CFAP74: variants seen among roughly 807,000 people sequenced by gnomAD.
CFAP74 encodes cilia and flagella associated protein 74.
In CFAP74, 124 loss-of-function variants were observed where a neutral mutation model predicts 188.9. That is an observed-to-expected ratio of 0.66 (90% CI 0.57 to 0.76). The LOEUF (loss-of-function observed/expected upper bound fraction) is 0.76. CFAP74 is among the 30% of genes least tolerant of loss of function. The pLI, the probability that CFAP74 is intolerant of heterozygous loss-of-function variation, is 0.00. For synonymous variants in CFAP74, 956 were observed against 916.7 expected (o/e 1.04, Z -0.77); for missense variants, 2,198 against 2,165.2 (o/e 1.02, Z -0.30).
chr1:1,922,729 G>A lies in CFAP74; in HGVS notation c.4684-6C>T. 1 of 1,603,040 alleles carries A rather than the reference G, an allele frequency of 6.2e-7. No individual in the cohort carries two copies. Among genetic ancestry groups the A allele is most frequent in the Non-Finnish European group, 8.5e-7 (1 of 1,174,894 alleles). Reference sequence around the variant, plus strand: ...TCTATGCTGAACTCAACGGTCTGTGGGGTATGGGGCTCCTGTAGGCTGGCG... The same window carrying A: ...TCTATGCTGAACTCAACGGTCTGTGAGGTATGGGGCTCCTGTAGGCTGGCG... On this transcript the variant is annotated splice_region_variant and splice_polypyrimidine_tract_variant and intron_variant, in intron 37 of 38. Coordinates refer to ENST00000682832, the MANE Select transcript of CFAP74 (RefSeq NM_001304360.2).
intron 5 of CFAP74, among the ~76,000 whole-genome samples, chr1:1,986,390 T>G (rs4648748): frequency 0.3 from 46,046 of 152,070 alleles, 7,249 homozygotes; most frequent in Non-Finnish European, 0.34. Flanking sequence ...TGCCCCTGGC[T>G]GCTGGCCCTC....
In CFAP74 at chr1:1,930,446, G is replaced by C. The variant is rs576954107; in HGVS notation, c.3012-110C>G. 6.5e-6 allele frequency: 7 copies of C among 1,081,112 alleles called. No homozygotes were observed. In the East Asian group the frequency reaches 1.9e-4, roughly 29 times the overall value. 67.0% of individuals were successfully genotyped at this position (1,081,112 alleles called of 1,614,324 possible). A position where few individuals can be genotyped will look rare whatever the true frequency, so the allele number is the denominator to read the frequency against. ...ACAAGCCCCGGGGGGGGCTCACAGG[G>C]ACATGCACGTTCCTGCTGCCCAGGG... On this transcript the variant is annotated intron_variant, in intron 25 of 38. Coordinates refer to ENST00000682832, the MANE Select transcript of CFAP74 (RefSeq NM_001304360.2).
chr1:1,974,237 C>A, intron 6 of CFAP74, 39 bp from the exon 7 acceptor site: 1 of 1,550,648 alleles, frequency 6.4e-7, no homozygotes, highest in Non-Finnish European at 8.8e-7. Context: ...ACGGGCCCCA[C>A]AGTCATCCTG....
At chr1:1,954,789 G>A in intron 18 of CFAP74, 20 of 1,104,886 alleles carry the variant, frequency 1.8e-5, no homozygotes, top group Non-Finnish European at 2.2e-5. Flanking sequence ...AACATAAAAA[G>A]AACTCACTTT....
At chr1:1,931,140 C>A (rs1652334358) in intron 25 of CFAP74, among the ~76,000 whole-genome samples, 2 of 152,142 alleles carry the variant, frequency 1.3e-5, no homozygotes, top group Admixed American at 6.5e-5. Context: ...TTAAAAAATT[C>A]TTTAAAAAGG....
At chr1:1,962,736 T>C (rs1239191268) in intron 14 of CFAP74, among the ~76,000 whole-genome samples, 1 of 151,592 alleles carries the variant, frequency 6.6e-6, no homozygotes, top group African/African-American at 2.4e-5. Context: ...AATAGAAAAA[T>C]TAGCCGGGCT....
Position 1,928,781 on chromosome 1 carries a change from C to T in CFAP74, c.3387+3G>A. 1 of 1,535,002 alleles carries T rather than the reference C, an allele frequency of 6.5e-7. No homozygotes were observed. The highest frequency in any genetic ancestry group is 8.7e-7 in the Non-Finnish European group (1 of 1,146,180). On this transcript the variant is annotated splice_donor_region_variant and intron_variant, in intron 27 of 38. Coordinates refer to ENST00000682832, the MANE Select transcript of CFAP74 (RefSeq NM_001304360.2). ...ACGCCCCTCCTTCCCGGGCCCCACG[C>T]ACAGATTTGGTCTCCATTTCTTTGT...
At chr1:1,982,668 G>T (rs1227348553) in intron 6 of CFAP74, among the ~76,000 whole-genome samples, 1 of 152,236 alleles carries the variant, frequency 6.6e-6, no homozygotes, top group Non-Finnish European at 1.5e-5. Context: ...AAAGTCCACG[G>T]GCAGTCCGGC....
chr1:1,939,150 G>C (rs1320749957), intron 24 of CFAP74, among the ~76,000 whole-genome samples, 162 bp from the exon 25 acceptor site: 1 of 151,266 alleles, frequency 6.6e-6, no homozygotes, highest in Non-Finnish European at 1.5e-5. Context: ...GCAAGTGTGT[G>C]AGTGTGAGCA....
rs185179105 is a variant in CFAP74, at chr1:1,941,416, C to T, written c.2615+612G>A. Among the ~76,000 whole-genome samples, 17 of 152,322 alleles carry T rather than the reference C, an allele frequency of 1.1e-4. No homozygotes were observed. The East Asian group carries it at 3.1e-3, about 28-fold the overall frequency. On this transcript the variant is annotated intron_variant, in intron 22 of 38. Coordinates refer to ENST00000682832, the MANE Select transcript of CFAP74 (RefSeq NM_001304360.2). The stretch of plus-strand genomic sequence containing the variant: ...CTCCAAAGCACAACAAATGTTCAAG[C>T]GCAGAAATCAAAGTTCACCTGGCAA...
chr1:1,947,621 G>T (rs977816379), intron 18 of CFAP74, among the ~76,000 whole-genome samples: 1 of 152,204 alleles, frequency 6.6e-6, no homozygotes, highest in African/African-American at 2.4e-5. Flanking sequence ...CTTTGCACCT[G>T]AACAGAGGCA....
chr1:1,961,857 C>T (rs370706898), intron 14 of CFAP74, among the ~76,000 whole-genome samples: 2 of 152,238 alleles, frequency 1.3e-5, no homozygotes, highest in Non-Finnish European at 2.9e-5. Context: ...GAGAACATCA[C>T]AGCCTCCACA....
Position 1,930,468 on chromosome 1 carries a change from A to G in CFAP74, c.3012-132T>C, listed in dbSNP as rs556162343. On this transcript the variant is annotated intron_variant, in intron 25 of 38. Transcript: ENST00000682832. ...AGGGACATGCACGTTCCTGCTGCCC[A>G]GGGGGTCACTGCGCCGCTGACAAGT... The G allele has an allele frequency of 1.5e-4, 130 of 852,848 alleles. No individual in the cohort carries two copies. In the African/African-American group the frequency reaches 2.0e-3, roughly 13 times the overall value. The allele number at this position is 852,848 out of a possible 1,614,324, so 52.8% of individuals were successfully genotyped here.
Position 1,926,484 on chromosome 1 carries a change from G to A in CFAP74, c.3801C>T (p.Ile1267=). ...CCAGATCCTCGGGAGAGACGTTCTG[G>A]ATGGAGATCTTCTTGATACTGCGGT... ...VGHRSIKKIS[I]QNVSPEDLAL... Residue 1267 remains isoleucine, a synonymous_variant, in exon 31 of 39, where the codon ATC becomes ATT. Transcript: ENST00000682832. 6.5e-7 allele frequency: 1 copy of A among 1,550,240 alleles called. No homozygotes were observed.
At chr1:1,939,228 TG>T (rs1207614943) in intron 24 of CFAP74, among the ~76,000 whole-genome samples, 1 of 151,978 alleles carries the variant, frequency 6.6e-6, no homozygotes, top group Non-Finnish European at 1.5e-5. Flanking sequence ...GTGTGTGTGC[TG>T]GGGGGAGAGA....
In CFAP74 at chr1:1,973,806, G is replaced by A. The variant is rs1656253623; in HGVS notation, c.674+219C>T. 6.6e-6 allele frequency among the ~76,000 whole-genome samples: 1 copy of A among 151,934 alleles called. No individual in the cohort carries two copies. Among genetic ancestry groups the A allele is most frequent in the Admixed American group, 6.6e-5 (1 of 15,256 alleles). On this transcript the variant is annotated intron_variant, in intron 7 of 38. Transcript: ENST00000682832. This position sits in a 1 kb window ranked among gnomAD's most constrained non-coding sequence, Gnocchi z 6.2. Reference sequence around the variant, plus strand: ...CTGTATGGTGGCTGCGGCATCTTGGGAGGGCTGGGGCTCTGGGCAGGTGCA... The same window carrying A: ...CTGTATGGTGGCTGCGGCATCTTGGAAGGGCTGGGGCTCTGGGCAGGTGCA...
intron 6 of CFAP74, among the ~76,000 whole-genome samples, chr1:1,977,993 T>C (rs1188827316): frequency 2.0e-5 from 3 of 152,120 alleles, no homozygotes; most frequent in Non-Finnish European, 4.4e-5. Flanking sequence ...GGATTACAGG[T>C]GCACGCCACC....
chr1:1,942,239 T>C lies in CFAP74; in HGVS notation c.2487-83A>G. 1 of 1,330,424 alleles carries C rather than the reference T, an allele frequency of 7.5e-7. No homozygotes were observed. The highest frequency in any genetic ancestry group is 9.7e-7 in the Non-Finnish European group (1 of 1,032,388). The allele number at this position is 1,330,424 out of a possible 1,614,324, so 82.4% of individuals were successfully genotyped here. ...TCAATGCCTGGAGTTATTAAAACAT[T>C]TCTGGCACCCAAGCCCCCGAGAGGT... On this transcript the variant is annotated intron_variant, in intron 21 of 38. Coordinates refer to ENST00000682832, the MANE Select transcript of CFAP74 (RefSeq NM_001304360.2). This position sits in a 1 kb window ranked among gnomAD's most constrained non-coding sequence, Gnocchi z 4.3.
At position 1,956,689 on chromosome 1, in the gene CFAP74, G is replaced by T; in HGVS notation, c.1947C>A (p.Gly649=). The change falls in exon 17 of 39, where the codon GGC becomes GGA. Residue 649 remains glycine, a synonymous_variant. Transcript: ENST00000682832. ...AAGCTGGCAGGAACTTGAAAGTCGT[G>T]CCCAAGCCCCCAACGTTGGTCAGCG... The part of the protein sequence containing the change: ...TITLTNVGGL[G]TTFKFLPASE... 1 of 1,614,096 alleles carries T rather than the reference G, an allele frequency of 6.2e-7. No individual in the cohort carries two copies. The highest frequency in any genetic ancestry group is 8.5e-7 in the Non-Finnish European group (1 of 1,180,006).
Sources: gnomAD v4.1 joint callset for allele counts (sites outside exome capture counted in the v4.1 genomes callset) on GRCh38, gnomAD v4.1.1 for gene constraint, Gnocchi (gnomAD v3.1) non-coding constraint, MANE v1.5 for transcripts, NCBI Gene and HGNC (gene_info 2026-07-23, HGNC 2026-07-21) for gene names.